Variants in OLA1 observed in about 807,000 individuals in gnomAD.
OLA1 encodes the protein Obg like ATPase 1.
A neutral mutation model predicts 48.4 loss-of-function variants in OLA1; 14 were observed. The observed-to-expected ratio is 0.29, with a 90% CI of 0.19 to 0.45. The LOEUF (loss-of-function observed/expected upper bound fraction) is 0.45, where lower values mean the gene tolerates loss of function less well. OLA1 is among the 20% of genes least tolerant of loss of function. OLA1 has a pLI of 1.00. For synonymous variants in OLA1, 127 were observed against 150.4 expected (o/e 0.84, Z 1.14); for missense variants, 325 against 467.1 (o/e 0.70, Z 2.80).
intron 3 of OLA1, among the ~76,000 whole-genome samples, chr2:174,228,135 G>A (rs1272575870): frequency 3.9e-5 from 6 of 152,172 alleles, no homozygotes; most frequent in African/African-American, 1.4e-4. Flanking sequence ...AGACCTCCAA[G>A]TGTCAATATC....
chr2:174,082,834 G>A (rs1684887693), intron 7 of OLA1, among the ~76,000 whole-genome samples: 1 of 152,090 alleles, frequency 6.6e-6, no homozygotes. Context: ...ATTTGGCAAA[G>A]TAGTAATTAG....
At chr2:174,129,410 A>G (rs1024815190) in intron 5 of OLA1, among the ~76,000 whole-genome samples, 10 of 152,016 alleles carry the variant, frequency 6.6e-5, no homozygotes, top group African/African-American at 2.4e-4. Context: ...GTGAGCCAAG[A>G]TGGTGCCACT....
intron 7 of OLA1, among the ~76,000 whole-genome samples, chr2:174,108,005 ATAT>A (rs1440675096): frequency 5.9e-5 from 9 of 152,122 alleles, no homozygotes; most frequent in Admixed American, 5.9e-4. Context: ...TTGTAGTACA[ATAT>A]TATCTCTTTT....
chr2:174,172,294 G>T, intron 4 of OLA1: 1 of 174,806 alleles, frequency 5.7e-6, no homozygotes, highest in South Asian at 1.4e-4. Context: ...CTACCTCCTA[G>T]GGGTCCTCCA....
At chr2:174,196,788 T>G (rs1032304904) in intron 4 of OLA1, among the ~76,000 whole-genome samples, 2 of 152,198 alleles carry the variant, frequency 1.3e-5, no homozygotes, top group African/African-American at 2.4e-5. Flanking sequence ...CAATCAACGT[T>G]TTTATAATAT....
At chr2:174,128,069 ACTGG>A (rs1686085605) in intron 5 of OLA1, among the ~76,000 whole-genome samples, 1 of 151,824 alleles carries the variant, frequency 6.6e-6, no homozygotes, top group South Asian at 2.1e-4. Context: ...ATAGTATGAC[ACTGG>A]CACAAGAAGA....
chr2:174,149,177 T>G (rs1312830189), intron 4 of OLA1, among the ~76,000 whole-genome samples: 1 of 152,194 alleles, frequency 6.6e-6, no homozygotes, highest in African/African-American at 2.4e-5. Flanking sequence ...AGAAAGGACA[T>G]CAGTGATTTG....
chr2:174,212,567 AC>A (rs1376186826), intron 4 of OLA1, among the ~76,000 whole-genome samples: 1 of 152,160 alleles, frequency 6.6e-6, no homozygotes, highest in African/African-American at 2.4e-5. Flanking sequence ...TACTTTATAA[AC>A]TTTTTAATTT....
chr2:174,230,507 T>C (rs1365866250), intron 2 of OLA1, among the ~76,000 whole-genome samples: 1 of 152,154 alleles, frequency 6.6e-6, no homozygotes, highest in Non-Finnish European at 1.5e-5. Context: ...TGGTAATAAT[T>C]ACCAATGACA....
intron 5 of OLA1, among the ~76,000 whole-genome samples, chr2:174,128,217 A>AC (rs1388081875): frequency 1.3e-5 from 2 of 151,516 alleles, no homozygotes; most frequent in Non-Finnish European, 2.9e-5. Flanking sequence ...ACATAGTGAG[A>AC]CCCCATCTCT....
At chr2:174,160,259 C>G (rs1442913506) in intron 4 of OLA1, among the ~76,000 whole-genome samples, 1 of 151,998 alleles carries the variant, frequency 6.6e-6, no homozygotes, top group Non-Finnish European at 1.5e-5. Flanking sequence ...ATACTAAAAC[C>G]TATCTGGAAA....
At chr2:174,160,783 A>G (rs946128736) in intron 4 of OLA1, among the ~76,000 whole-genome samples, 4 of 152,164 alleles carry the variant, frequency 2.6e-5, no homozygotes, top group African/African-American at 4.8e-5. Context: ...TTATGCATAG[A>G]ACATAGCTAT....
chr2:174,107,711 C>T (rs1685548384), intron 7 of OLA1, among the ~76,000 whole-genome samples: 1 of 152,058 alleles, frequency 6.6e-6, no homozygotes, highest in Admixed American at 6.6e-5. Context: ...GATCCTAAAT[C>T]ATTCTGATAT....
intron 8 of OLA1, 119 bp downstream of exon 8, chr2:174,081,805 A>G: frequency 1.0e-6 from 1 of 964,040 alleles, no homozygotes; most frequent in Non-Finnish European, 1.6e-6. Context: ...AGAAAGGAGA[A>G]GATTCCCTCT....
chr2:174,222,440 A>C (rs2105450239), intron 4 of OLA1, among the ~76,000 whole-genome samples: 1 of 152,174 alleles, frequency 6.6e-6, no homozygotes, highest in East Asian at 1.9e-4. Context: ...GCCTTGACCT[A>C]AGCCTTAACC....
At chr2:174,215,400 T>G (rs1688342626) in intron 4 of OLA1, among the ~76,000 whole-genome samples, 1 of 152,324 alleles carries the variant, frequency 6.6e-6, no homozygotes, top group East Asian at 1.9e-4. Context: ...AATACTTCAG[T>G]TCATCCTTGA....
chr2:174,095,325 G>GTTTTTTTTTTTTTTTTTTTTTTTT (rs1205716344), intron 7 of OLA1, among the ~76,000 whole-genome samples: 98 of 77,980 alleles, frequency 1.3e-3, no homozygotes, highest in Middle Eastern at 0.011. Context: ...GTTATTTCCT[G>GTTTTTTTTTTTTTTTTTTTTTTTT]TTTTTTTTTT....
intron 7 of OLA1, among the ~76,000 whole-genome samples, chr2:174,095,325 GTTTTTTTT>G (rs1205716344): frequency 2.2e-4 from 17 of 77,990 alleles, no homozygotes; most frequent in Admixed American, 3.0e-4. Flanking sequence ...GTTATTTCCT[GTTTTTTTT>G]TTTTTTTTTT....
chr2:174,138,610 G>A (rs1212155918), intron 5 of OLA1, among the ~76,000 whole-genome samples: 2 of 152,068 alleles, frequency 1.3e-5, no homozygotes, highest in South Asian at 4.2e-4. Context: ...ACACAGCGTT[G>A]CCACAAACCT....
Sources: allele counts gnomAD v4.1 joint callset (sites outside exome capture counted in the v4.1 genomes callset), GRCh38; gene constraint gnomAD v4.1.1; transcripts MANE v1.5; gene names NCBI Gene and HGNC (gene_info 2026-07-23, HGNC 2026-07-21).